The following SBNO1 variants were observed in gnomAD, a reference collection of about 807,000 sequenced individuals.
SBNO1 encodes strawberry notch homolog 1, also known as protein strawberry notch homolog 1.
In SBNO1, 23 loss-of-function variants were observed where a neutral mutation model predicts 173.6. That is an observed-to-expected ratio of 0.13 (90% CI 0.10 to 0.19). The LOEUF (loss-of-function observed/expected upper bound fraction) is 0.19. Among genes scored for constraint, SBNO1 ranks in the 10% least tolerant of loss-of-function variants. The pLI is 1.00. For missense variants in SBNO1, 1,238 were observed against 1,671.2 expected, an observed-to-expected ratio of 0.74 and a Z score of 4.52; for synonymous variants, 632 against 571.5, an observed-to-expected ratio of 1.11 and a Z score of -1.51.
Position 123,340,705 on chromosome 12 carries a change from G to A in SBNO1, c.651+283C>T, listed in dbSNP as rs139864228. Among the ~76,000 whole-genome samples the A allele has an allele frequency of 1.9e-4, 28 of 149,870 alleles. No individual in the cohort carries two copies. In the East Asian group the frequency reaches 4.5e-3, roughly 24 times the overall value. On this transcript the variant is annotated intron_variant, in intron 5 of 31. Coordinates refer to ENST00000602398, the MANE Select transcript of SBNO1 (RefSeq NM_001167856.3). Reference sequence around the variant, plus strand: ...TGAACACAGTTATCAAATACTTTTCGTTAACCCCACATTGTCTTTTTTTCT... The same window carrying A: ...TGAACACAGTTATCAAATACTTTTCATTAACCCCACATTGTCTTTTTTTCT...
chr12:123,354,289 A>G (rs1175093278), intron 1 of SBNO1, among the ~76,000 whole-genome samples: 1 of 152,192 alleles, frequency 6.6e-6, no homozygotes, highest in Non-Finnish European at 1.5e-5. Context: ...CTGTTCAATT[A>G]AAATAAGTAA....
Position 123,345,617 on chromosome 12 carries a change from T to C in SBNO1, c.238-47A>G, listed in dbSNP as rs975606438. Reference sequence around the variant, plus strand: ...CACCACTGAAAAATGCTTCATTCTCTAATGAAGCTTATATCCACAAACCTG... The same window carrying C: ...CACCACTGAAAAATGCTTCATTCTCCAATGAAGCTTATATCCACAAACCTG... On this transcript the variant is annotated intron_variant, in intron 3 of 31. Transcript: ENST00000602398. 3 of 1,452,454 alleles carry C rather than the reference T, an allele frequency of 2.1e-6. No homozygotes were observed. The African/African-American group carries it at 4.2e-5, about 20-fold the overall frequency. 90.0% of individuals were successfully genotyped at this position (1,452,454 alleles called of 1,614,324 possible). A position where few individuals can be genotyped will look rare whatever the true frequency, so the allele number is the denominator to read the frequency against.
chr12:123,321,463 G>T, intron 17 of SBNO1, 72 bp downstream of exon 17: 1 of 1,096,760 alleles, frequency 9.1e-7, no homozygotes. Context: ...CAGAAGAAAA[G>T]GTTTCATATC....
At chr12:123,338,893 G>T (rs61953459) in intron 5 of SBNO1, among the ~76,000 whole-genome samples, 1 of 3,802 alleles carries the variant, frequency 2.6e-4, no homozygotes, top group Admixed American at 2.7e-3. Context: ...CACACACCCC[G>T]ACACACACAC....
At position 123,364,811 on chromosome 12, in the gene SBNO1, G is replaced by C. The variant is rs904425464; in HGVS notation, c.-111C>G. ...GTGGCGGCGGCAGCAGCGGCGTCCT[G>C]CTCTGCCTACCTCCCCGCCGCCATC... On this transcript the variant is annotated 5_prime_UTR_variant, in exon 1 of 32. Coordinates refer to ENST00000602398, the MANE Select transcript of SBNO1 (RefSeq NM_001167856.3). 1.0e-5 allele frequency: 10 copies of C among 953,612 alleles called. No homozygotes were observed. The South Asian group carries it at 4.9e-4, about 46-fold the overall frequency. 59.1% of individuals were successfully genotyped at this position (953,612 alleles called of 1,614,324 possible). A position where few individuals can be genotyped will look rare whatever the true frequency, so the allele number is the denominator to read the frequency against.
Position 123,323,794 on chromosome 12 carries a change from C to G in SBNO1, c.2011G>C (p.Ala671Pro). The change falls in exon 16 of 32, where the codon GCT becomes CCT. Residue 671 changes from alanine (A) to proline (P), a missense_variant. Ala to Pro is a conservative substitution (Grantham distance 27, BLOSUM62 -1). Transcript: ENST00000602398. The part of the protein sequence containing the change: ...LQSLIEKHFP[A>P]PDRKKLYSLL... ...CTATAAAGTTTTTTCCTGTCTGGAG[C>G]AGGAAAATGTTTTTCAATGAGTGAC... The G allele has an allele frequency of 6.2e-7, 1 of 1,611,752 alleles. No individual in the cohort carries two copies.
chr12:123,316,585 T>C (rs1248965641), intron 21 of SBNO1, among the ~76,000 whole-genome samples: 1 of 151,800 alleles, frequency 6.6e-6, no homozygotes, highest in Non-Finnish European at 1.5e-5. Context: ...AGTGGTGAAA[T>C]CATATCTCAC....
intron 24 of SBNO1, among the ~76,000 whole-genome samples, chr12:123,311,601 C>T (rs758551819): frequency 1.3e-5 from 2 of 151,476 alleles, no homozygotes; most frequent in Non-Finnish European, 2.9e-5. Context: ...GAGATCCACC[C>T]GGCTCGGCCT....
chr12:123,336,097 C>G (rs1163604774), intron 6 of SBNO1, among the ~76,000 whole-genome samples: 1 of 152,016 alleles, frequency 6.6e-6, no homozygotes, highest in Admixed American at 6.6e-5. Context: ...AAGGGAGAAA[C>G]AAAAACTATG....
intron 7 of SBNO1, among the ~76,000 whole-genome samples, chr12:123,333,055 C>T (rs552566190): frequency 3.0e-4 from 46 of 151,614 alleles, no homozygotes; most frequent in Non-Finnish European, 5.4e-4. Flanking sequence ...ACCTGGGAGG[C>T]GGAGGTTCCA....
chr12:123,334,032 T>C (rs769692363), intron 7 of SBNO1, 21 bp downstream of exon 7: 8 of 1,482,082 alleles, frequency 5.4e-6, no homozygotes, highest in Non-Finnish European at 7.3e-6. Flanking sequence ...AATTATTGTA[T>C]TATGAAATAT....
rs1055209228 is a variant in SBNO1 at position 123,352,555 on chromosome 12, G to A, written c.1-2114C>T. Among the ~76,000 whole-genome samples the A allele has an allele frequency of 6.6e-5, 10 of 152,302 alleles. No homozygotes were observed. The East Asian group carries it at 1.4e-3, about 21-fold the overall frequency. On this transcript the variant is annotated intron_variant, in intron 1 of 31. Transcript: ENST00000602398. Reference sequence around the variant, plus strand: ...GAACCACCCACCTTGGCCTCCCAAAGTGCTGGGATTACAGGCCGTGAGCCA... The same window carrying A: ...GAACCACCCACCTTGGCCTCCCAAAATGCTGGGATTACAGGCCGTGAGCCA...
In SBNO1 at chr12:123,291,634, C is replaced by T. The variant is rs1307792952; in HGVS notation, c.*4274G>A. ...AGATGCAAAACTGAATTCTAAAATA[C>T]AGGAACAAATACTTTTCTAAATGAA... On this transcript the variant is annotated 3_prime_UTR_variant, in exon 32 of 32. Coordinates refer to ENST00000602398, the MANE Select transcript of SBNO1 (RefSeq NM_001167856.3). The T allele has an allele frequency of 7.4e-6, 1 of 134,586 alleles. No homozygotes were observed. The highest frequency in any genetic ancestry group is 2.1e-4 in the East Asian group (1 of 4,750). 8.3% of individuals were successfully genotyped at this position (134,586 alleles called of 1,614,324 possible). A position where few individuals can be genotyped will look rare whatever the true frequency, so the allele number is the denominator to read the frequency against.
At chr12:123,356,588 C>T (rs544158218) in intron 1 of SBNO1, among the ~76,000 whole-genome samples, 3 of 152,270 alleles carry the variant, frequency 2.0e-5, no homozygotes, top group Admixed American at 6.5e-5. Context: ...ATTACAGGCG[C>T]GTGCCCCCAC....
intron 1 of SBNO1, among the ~76,000 whole-genome samples, chr12:123,352,773 G>C (rs1018798092): frequency 2.6e-5 from 4 of 152,182 alleles, no homozygotes; most frequent in Non-Finnish European, 4.4e-5. Flanking sequence ...CCACTGTGTA[G>C]AAGAGTGGGA....
chr12:123,295,725 C>G lies in SBNO1; in HGVS notation c.*183G>C. The G allele has an allele frequency of 1.5e-6, 1 of 682,752 alleles. No individual in the cohort carries two copies. The highest frequency in any genetic ancestry group is 2.4e-5 in the Admixed American group (1 of 42,452). 42.3% of individuals were successfully genotyped at this position (682,752 alleles called of 1,614,324 possible). On this transcript the variant is annotated 3_prime_UTR_variant, in exon 32 of 32. Transcript: ENST00000602398. Reference sequence around the variant, plus strand: ...GCTAAAGGAAAGACATATGTACCACCATCAGCACTGCTGATTTTCAGTTTT... The same window carrying G: ...GCTAAAGGAAAGACATATGTACCACGATCAGCACTGCTGATTTTCAGTTTT...
chr12:123,350,201 C>T, intron 2 of SBNO1, 109 bp downstream of exon 2: 2 of 1,275,214 alleles, frequency 1.6e-6, no homozygotes, highest in Non-Finnish European at 2.2e-6. Flanking sequence ...CTTCAGTAAG[C>T]CATGACTGCA....
intron 28 of SBNO1, among the ~76,000 whole-genome samples, chr12:123,305,013 T>G (rs2048879550): frequency 6.6e-6 from 1 of 151,548 alleles, no homozygotes; most frequent in Non-Finnish European, 1.5e-5. Context: ...TCATTTTGCT[T>G]CTTTTATTTC....
At position 123,296,058 on chromosome 12, in the gene SBNO1, T is replaced by C; in HGVS notation, c.4040-8A>G. 1 of 1,590,244 alleles carries C rather than the reference T, an allele frequency of 6.3e-7. No individual in the cohort carries two copies. The highest frequency in any genetic ancestry group is 8.6e-7 in the Non-Finnish European group (1 of 1,158,448). On this transcript the variant is annotated splice_polypyrimidine_tract_variant and splice_region_variant and intron_variant, in intron 31 of 31. Transcript: ENST00000602398. ...TTGCCGGAATGATCAAACCTGTAATTAGTAACAAGAATTTATCAAGTTGTG... is the reference window on the plus strand; with the variant it reads ...TTGCCGGAATGATCAAACCTGTAATCAGTAACAAGAATTTATCAAGTTGTG...
Sources: gnomAD v4.1 joint callset for allele counts (sites outside exome capture counted in the v4.1 genomes callset) on GRCh38, gnomAD v4.1.1 for gene constraint, MANE v1.5 for transcripts, NCBI Gene and HGNC (gene_info 2026-07-23, HGNC 2026-07-21) for gene names.